Variants in TRANK1 observed in about 807,000 individuals in gnomAD.
TRANK1 encodes tetratricopeptide repeat and ankyrin repeat containing 1, also known as TPR and ankyrin repeat-containing protein 1.
In TRANK1, 198 loss-of-function variants were observed where a neutral mutation model predicts 266.0. The observed-to-expected ratio is 0.74, with a 90% CI of 0.66 to 0.84. The LOEUF (loss-of-function observed/expected upper bound fraction) is 0.84. Ranked by LOEUF, TRANK1 falls within the 40% of genes least tolerant of loss-of-function variation. TRANK1 has a pLI of 0.00. For missense variants in TRANK1, 3,326 were observed against 3,634.6 expected, an observed-to-expected ratio of 0.92 and a Z score of 2.18; for synonymous variants, 1,396 against 1,384.1, an observed-to-expected ratio of 1.01 and a Z score of -0.19.
At chr3:36,896,183 G>A (rs11129742) in intron 4 of TRANK1, among the ~76,000 whole-genome samples, 48,816 of 152,074 alleles carry the variant, frequency 0.32, 8,666 homozygotes, top group East Asian at 0.57. Context: ...AATGAAGATA[G>A]GTTTCATGGC....
At chr3:36,918,560 A>T (rs868383308) in intron 1 of TRANK1, among the ~76,000 whole-genome samples, 460 of 42,826 alleles carry the variant, frequency 0.011, 4 homozygotes, top group Non-Finnish European at 0.013. Flanking sequence ...GGAAGGAAGG[A>T]AGGTAGGAAG....
Position 36,830,991 on chromosome 3 carries a change from C to T in TRANK1, c.8592G>A (p.Trp2864Ter). The T allele has an allele frequency of 6.2e-7, 1 of 1,614,024 alleles. No homozygotes were observed. Among genetic ancestry groups the T allele is most frequent in the South Asian group, 1.1e-5 (1 of 91,082 alleles). ...LVVQDIEQSV[W>*]IHSHVGSKEH... ...CCTTGGAGCCCACGTGACTGTGGAT[C>T]CATACACTTTGCTCGATGTCCTGCA... Residue 2864 changes from tryptophan to a stop codon, truncating the protein, a stop_gained, in exon 22 of 24, where the codon TGG (tryptophan) becomes TGA (stop). Coordinates refer to ENST00000645898, the MANE Select transcript of TRANK1 (RefSeq NM_001329998.2). LOFTEE classifies it high-confidence loss of function.
At position 36,858,124 on chromosome 3, in the gene TRANK1, G is replaced by A. The variant is rs962785648; in HGVS notation, c.1673-75C>T. 6 of 1,254,500 alleles carry A rather than the reference G, an allele frequency of 4.8e-6. No homozygotes were observed. The Admixed American group carries it at 8.7e-5, about 18-fold the overall frequency. The allele number at this position is 1,254,500 out of a possible 1,614,324, so 77.7% of individuals were successfully genotyped here. Reference sequence around the variant, plus strand: ...GGACAGCAGACCCTGGGGTTTGAGAGTGATGCCAGCCAGGGGCATCTCAGA... The same window carrying A: ...GGACAGCAGACCCTGGGGTTTGAGAATGATGCCAGCCAGGGGCATCTCAGA... On this transcript the variant is annotated intron_variant, in intron 12 of 23. Coordinates refer to ENST00000645898, the MANE Select transcript of TRANK1 (RefSeq NM_001329998.2).
intron 1 of TRANK1, among the ~76,000 whole-genome samples, chr3:36,909,489 G>C (rs1370463820): frequency 1.3e-5 from 2 of 152,122 alleles, no homozygotes; most frequent in Non-Finnish European, 2.9e-5. Context: ...CTTTAGTATT[G>C]CTTCCTCTCA....
At chr3:36,875,670 C>T (rs1185702782) in intron 8 of TRANK1, among the ~76,000 whole-genome samples, 1 of 152,224 alleles carries the variant, frequency 6.6e-6, no homozygotes, top group Non-Finnish European at 1.5e-5. Context: ...AACTCCTAAC[C>T]TCCAGGGTAT....
At chr3:36,859,030 AC>A in intron 11 of TRANK1, 136 bp from the exon 12 acceptor site, 1 of 1,138,570 alleles carries the variant, frequency 8.8e-7, no homozygotes, top group Non-Finnish European at 1.2e-6. Context: ...TCCTACCAGC[AC>A]CCATTCTGGG....
intron 1 of TRANK1, among the ~76,000 whole-genome samples, chr3:36,928,688 A>T (rs1281397017): frequency 1.3e-5 from 2 of 152,230 alleles, no homozygotes; most frequent in Non-Finnish European, 2.9e-5. Context: ...AATTTTGAAA[A>T]GTATACATGT....
intron 1 of TRANK1, among the ~76,000 whole-genome samples, chr3:36,930,160 C>T (rs6795593): frequency 0.069 from 10,484 of 152,222 alleles, 581 homozygotes; most frequent in African/African-American, 0.14. Context: ...AGGCATGAAC[C>T]ACTTTGCCCA....
In TRANK1 at chr3:36,914,241, C is replaced by G. The variant is rs544148431; in HGVS notation, c.24-5787G>C. ...CTCCATCTCCCGGGTTCAAGCTATTCTCCTGCCTCAGCCTCCTAAGTAGCT... is the reference window on the plus strand; with the variant it reads ...CTCCATCTCCCGGGTTCAAGCTATTGTCCTGCCTCAGCCTCCTAAGTAGCT... On this transcript the variant is annotated intron_variant, in intron 1 of 23. Coordinates refer to ENST00000645898, the MANE Select transcript of TRANK1 (RefSeq NM_001329998.2). Among the ~76,000 whole-genome samples the G allele has an allele frequency of 1.4e-3, 206 of 151,996 alleles. 1 individual carries two copies. Among genetic ancestry groups the G allele is most frequent in the Middle Eastern group, 3.4e-3 (1 of 294 alleles).
chr3:36,858,158 C>T, intron 12 of TRANK1, 109 bp from the exon 13 acceptor site: 1 of 915,756 alleles, frequency 1.1e-6, no homozygotes, highest in Non-Finnish European at 1.6e-6. Flanking sequence ...GAATGCTGAA[C>T]TCCCCCAAAA....
chr3:36,930,758 C>G (rs2080350561), intron 1 of TRANK1, among the ~76,000 whole-genome samples: 1 of 151,998 alleles, frequency 6.6e-6, no homozygotes, highest in South Asian at 2.1e-4. Flanking sequence ...TCTAAGAAAT[C>G]AGAACAGTGA....
intron 13 of TRANK1, among the ~76,000 whole-genome samples, chr3:36,852,798 A>G (rs956802851): frequency 1.5e-5 from 2 of 137,390 alleles, no homozygotes; most frequent in African/African-American, 2.7e-5. Flanking sequence ...AAAAAAAAAA[A>G]ACAATGAGAG....
At position 36,856,631 on chromosome 3, in the gene TRANK1, T is replaced by C; in HGVS notation, c.3091A>G (p.Ser1031Gly). 6.2e-7 allele frequency: 1 copy of C among 1,614,064 alleles called. No homozygotes were observed. Among genetic ancestry groups the C allele is most frequent in the Non-Finnish European group, 8.5e-7 (1 of 1,179,906 alleles). ...TTAAAGGCCATGTTGGTGCTGAAGCTGTGGAACTTCATGATGTTATATTCT... is the reference window on the plus strand; with the variant it reads ...TTAAAGGCCATGTTGGTGCTGAAGCCGTGGAACTTCATGATGTTATATTCT... ...ETEYNIMKFH[S>G]FSTNMAFNIL... The change falls in exon 13 of 24, where the codon AGC (serine) becomes GGC (glycine). Residue 1031 changes from serine to glycine, a missense_variant. Ser to Gly is a moderately conservative substitution (Grantham distance 56). Coordinates refer to ENST00000645898, the MANE Select transcript of TRANK1 (RefSeq NM_001329998.2).
At chr3:36,867,337 A>T (rs1175289115) in intron 9 of TRANK1, among the ~76,000 whole-genome samples, 1 of 152,254 alleles carries the variant, frequency 6.6e-6, no homozygotes, top group Non-Finnish European at 1.5e-5. Context: ...TAAAAAACTC[A>T]CATGAAAATG....
At chr3:36,850,102 G>T in intron 15 of TRANK1, 1 of 985,314 alleles carries the variant, frequency 1.0e-6, no homozygotes. Flanking sequence ...CTTCTTACTC[G>T]CACAAGCATA....
chr3:36,842,623 T>C lies in TRANK1; in HGVS notation c.5279A>G (p.Lys1760Arg). 6.2e-7 allele frequency: 1 copy of C among 1,613,760 alleles called. No individual in the cohort carries two copies. Among genetic ancestry groups the C allele is most frequent in the South Asian group, 1.1e-5 (1 of 90,970 alleles). ...GDYYAKHQCW[K>R]VAAKCYQKGG... is the part of the protein sequence containing the mutation. ...ACCCCTCCTAGTCCAACCCCTTACC[T>C]TCCAGCACTGGTGCTTGGCGTAGTA... Residue 1760 changes from lysine (K) to arginine (R), a missense_variant and splice_region_variant, in exon 18 of 24, where the codon AAG (lysine) becomes AGG (arginine). Lys to Arg is a conservative substitution (Grantham distance 26). Transcript: ENST00000645898.
chr3:36,887,906 CA>C (rs1384392112), intron 8 of TRANK1, among the ~76,000 whole-genome samples: 1 of 152,182 alleles, frequency 6.6e-6, no homozygotes, highest in Non-Finnish European at 1.5e-5. Context: ...CTGCTGGTGG[CA>C]CTGTAAAATG....
At chr3:36,835,325 A>G (rs2078756579) in intron 20 of TRANK1, among the ~76,000 whole-genome samples, 1 of 142,432 alleles carries the variant, frequency 7.0e-6, no homozygotes, top group Non-Finnish European at 1.5e-5. Flanking sequence ...TCTCAAAAAA[A>G]AAAAAAAAAA....
intron 1 of TRANK1, among the ~76,000 whole-genome samples, chr3:36,915,099 C>T (rs1057426570): frequency 3.9e-5 from 6 of 152,020 alleles, no homozygotes; most frequent in East Asian, 3.8e-4. Flanking sequence ...CTACAGGCGC[C>T]GGCCACCACG....
Sources: allele counts gnomAD v4.1 joint callset (sites outside exome capture counted in the v4.1 genomes callset), GRCh38; gene constraint gnomAD v4.1.1; transcripts MANE v1.5; gene names NCBI Gene and HGNC (gene_info 2026-07-23, HGNC 2026-07-21).